Variants in BRD10 observed in about 807,000 individuals in gnomAD.
The protein encoded by BRD10 is bromodomain containing 10, also known as uncharacterized bromodomain-containing protein 10.
the BRD10 span, among the ~76,000 whole-genome samples, chr9:6,006,296 A>G: frequency 3.3e-5 from 5 of 152,220 alleles, no homozygotes; most frequent in Admixed American, 1.3e-4. Context: ...AACTGAGGCC[A>G]AAAAGGTTAA....
chr9:5,897,503 T>C, the BRD10 span: 2 of 1,484,904 alleles, frequency 1.3e-6, no homozygotes, highest in Non-Finnish European at 9.4e-7. Flanking sequence ...TGCTTCATCA[T>C]AATGTAGAAC....
chr9:5,969,641 T>A, the BRD10 span, among the ~76,000 whole-genome samples: 1 of 152,128 alleles, frequency 6.6e-6, no homozygotes, highest in Non-Finnish European at 1.5e-5. Flanking sequence ...CCTCGCGGGT[T>A]CAAGCAATTC....
the BRD10 span, among the ~76,000 whole-genome samples, chr9:5,903,785 C>G: frequency 6.6e-6 from 1 of 152,158 alleles, no homozygotes; most frequent in Non-Finnish European, 1.5e-5. Context: ...TCCTTGAAAT[C>G]TCCTTCTGAA....
the BRD10 span, chr9:5,922,771 T>G: frequency 6.2e-7 from 1 of 1,614,012 alleles, no homozygotes; most frequent in Admixed American, 1.7e-5. Context: ...GAAGATCTAT[T>G]GGCAACCACT....
At chr9:5,931,642 T>C in the BRD10 span, among the ~76,000 whole-genome samples, 2 of 152,224 alleles carry the variant, frequency 1.3e-5, no homozygotes, top group African/African-American at 4.8e-5. Flanking sequence ...GTAGTGGTGG[T>C]ATAGTACTTC....
chr9:5,927,630 T>C, the BRD10 span, among the ~76,000 whole-genome samples: 3 of 152,204 alleles, frequency 2.0e-5, no homozygotes, highest in Non-Finnish European at 4.4e-5. Context: ...TGTTGCCAAA[T>C]TAAATAATAA....
the BRD10 span, among the ~76,000 whole-genome samples, chr9:5,987,741 A>C: frequency 6.6e-6 from 1 of 152,214 alleles, no homozygotes; most frequent in Admixed American, 6.5e-5. Context: ...GTACTATAAA[A>C]ATAACTAGTC....
the BRD10 span, among the ~76,000 whole-genome samples, chr9:5,974,835 T>A: frequency 6.6e-6 from 1 of 152,294 alleles, no homozygotes; most frequent in East Asian, 1.9e-4. Context: ...TCACGGAATA[T>A]TGGGTAGAAT....
chr9:5,943,739 T>C, the BRD10 span, among the ~76,000 whole-genome samples: 8 of 152,150 alleles, frequency 5.3e-5, no homozygotes, highest in Non-Finnish European at 1.0e-4. Flanking sequence ...ATTTCCAAAA[T>C]ATGCACTTTT....
At chr9:5,922,632 T>C in the BRD10 span, 2 of 1,613,974 alleles carry the variant, frequency 1.2e-6, no homozygotes, top group East Asian at 2.2e-5. Flanking sequence ...GGCACTTCTT[T>C]TGCAACTGCT....
the BRD10 span, among the ~76,000 whole-genome samples, chr9:5,958,852 T>G: frequency 6.6e-6 from 1 of 152,202 alleles, no homozygotes; most frequent in Admixed American, 6.5e-5. Flanking sequence ...GTGCCTGGGA[T>G]GTAAAGTCAC....
the BRD10 span, among the ~76,000 whole-genome samples, chr9:5,993,580 A>G: frequency 6.6e-6 from 1 of 152,186 alleles, no homozygotes; most frequent in Non-Finnish European, 1.5e-5. Context: ...CAATATGGGT[A>G]GGAGAGTGAA....
At chr9:5,924,795 T>C in the BRD10 span, 1 of 1,568,412 alleles carries the variant, frequency 6.4e-7, no homozygotes, top group Non-Finnish European at 8.7e-7. Context: ...ATTAAATGTA[T>C]CATGATCAGG....
chr9:6,001,820 C>T, the BRD10 span, among the ~76,000 whole-genome samples: 129 of 152,284 alleles, frequency 8.5e-4, no homozygotes, highest in African/African-American at 3.1e-3. Context: ...TAGCTCATCA[C>T]GGTAGTATAC....
the BRD10 span, among the ~76,000 whole-genome samples, chr9:5,930,393 A>ATATATATATATATATATATATG: frequency 7.0e-6 from 1 of 142,770 alleles, no homozygotes; most frequent in African/African-American, 2.5e-5. Flanking sequence ...ATATATATAT[A>ATATATATATATATATATATATG]TGACCTTCAA....
the BRD10 span, among the ~76,000 whole-genome samples, chr9:6,001,385 G>T: frequency 2.0e-5 from 3 of 152,118 alleles, no homozygotes; most frequent in African/African-American, 7.2e-5. Context: ...AGCATTCACG[G>T]TACTTTATGA....
the BRD10 span, among the ~76,000 whole-genome samples, chr9:5,971,459 A>C: frequency 2.0e-5 from 3 of 152,212 alleles, no homozygotes. Flanking sequence ...CAAAAATGGG[A>C]ACAAATCAAT....
chr9:5,951,074 ACACCCC>A, the BRD10 span, among the ~76,000 whole-genome samples: 2 of 136,108 alleles, frequency 1.5e-5, no homozygotes, highest in African/African-American at 5.8e-5. Flanking sequence ...ACACACACAC[ACACCCC>A]CACCCCACCC....
At chr9:5,932,724 G>C in the BRD10 span, among the ~76,000 whole-genome samples, 1 of 152,070 alleles carries the variant, frequency 6.6e-6, no homozygotes, top group Non-Finnish European at 1.5e-5. Context: ...GCAGCCATTA[G>C]ACTAGAATTC....
Sources: allele counts gnomAD v4.1 joint callset (sites outside exome capture counted in the v4.1 genomes callset), GRCh38; gene constraint gnomAD v4.1.1; transcripts MANE v1.5; gene names NCBI Gene and HGNC (gene_info 2026-07-23, HGNC 2026-07-21).